DLGAP4: variants seen among roughly 807,000 people sequenced by gnomAD.
DLGAP4 encodes DLG associated protein 4, also known as disks large-associated protein 4.
A neutral mutation model predicts 86.9 loss-of-function variants in DLGAP4; 18 were observed. The ratio of observed to expected loss-of-function variants is 0.21; its 90% CI spans 0.14 to 0.31. The LOEUF (loss-of-function observed/expected upper bound fraction) is 0.31, where lower values mean the gene tolerates loss of function less well. Ranked by LOEUF, DLGAP4 falls within the 10% of genes least tolerant of loss-of-function variation. The probability of loss-of-function intolerance (pLI) is 1.00; values close to 1 mark genes in which losing one functional copy is unlikely to be tolerated. For synonymous variants in DLGAP4, 548 were observed against 574.3 expected (o/e 0.95, Z 0.65); for missense variants, 1,085 against 1,362.6 (o/e 0.80, Z 3.21).
chr20:36,446,558 G>A (rs557994181), intron 6 of DLGAP4, 139 bp from the exon 7 acceptor site: 36 of 753,730 alleles, frequency 4.8e-5, no homozygotes, highest in African/African-American at 1.6e-4. Flanking sequence ...CATCCCATAC[G>A]CTGAGTGAGA....
chr20:36,312,187 A>G (rs2065059106), intron 1 of DLGAP4, among the ~76,000 whole-genome samples: 1 of 152,136 alleles, frequency 6.6e-6, no homozygotes, highest in East Asian at 1.9e-4. Context: ...CCAGCATGCA[A>G]TTCTGGTTAA....
chr20:36,512,272 GA>G (rs1369565121), intron 10 of DLGAP4, among the ~76,000 whole-genome samples: 2 of 151,868 alleles, frequency 1.3e-5, no homozygotes, highest in Non-Finnish European at 2.9e-5. Flanking sequence ...GGATGGTCTT[GA>G]TCTCCTGACC....
At chr20:36,348,483 A>G (rs1180972542) in intron 1 of DLGAP4, among the ~76,000 whole-genome samples, 1 of 151,584 alleles carries the variant, frequency 6.6e-6, no homozygotes. Flanking sequence ...AAGTGGCGCG[A>G]TCTCGGCTCA....
intron 1 of DLGAP4, among the ~76,000 whole-genome samples, chr20:36,340,993 G>A (rs1294324174): frequency 6.6e-6 from 1 of 152,174 alleles, no homozygotes; most frequent in African/African-American, 2.4e-5. Context: ...TGCTCCTCCT[G>A]GAACAAACTG....
intron 7 of DLGAP4, chr20:36,461,410 G>A: frequency 1.0e-6 from 1 of 961,762 alleles, no homozygotes; most frequent in Non-Finnish European, 1.2e-6. Context: ...GCTGACGCGG[G>A]GGGCGGGGAG....
intron 10 of DLGAP4, among the ~76,000 whole-genome samples, chr20:36,519,040 C>T (rs1319904726): frequency 3.3e-5 from 5 of 151,716 alleles, no homozygotes; most frequent in Non-Finnish European, 5.9e-5. Flanking sequence ...TCGCTTGAAC[C>T]CGGGAGGCAG....
chr20:36,447,916 C>CGGG (rs2033639759), intron 7 of DLGAP4, among the ~76,000 whole-genome samples: 1 of 60,856 alleles, frequency 1.6e-5, no homozygotes, highest in Admixed American at 1.9e-4. Context: ...GGGGGGGAGA[C>CGGG]AAGGGGAGGG....
At chr20:36,496,675 C>T (rs371416217) in intron 7 of DLGAP4, 30 bp from the exon 8 acceptor site, 2 of 1,576,958 alleles carry the variant, frequency 1.3e-6, no homozygotes, top group Admixed American at 3.4e-5. Flanking sequence ...CATCTCACCT[C>T]TCCCCTGCCC....
chr20:36,366,306 C>T (rs1020923714), intron 1 of DLGAP4, among the ~76,000 whole-genome samples: 3 of 152,106 alleles, frequency 2.0e-5, no homozygotes, highest in Non-Finnish European at 4.4e-5. Flanking sequence ...AGTGATCCAC[C>T]CACCTCAGCC....
chr20:36,353,626 G>C (rs551550186), intron 1 of DLGAP4, among the ~76,000 whole-genome samples: 2 of 152,376 alleles, frequency 1.3e-5, no homozygotes, highest in South Asian at 4.1e-4. Context: ...GCTGAGGCCT[G>C]GTGCTGGAGA....
chr20:36,310,294 G>C (rs912111943), intron 1 of DLGAP4, among the ~76,000 whole-genome samples: 1 of 152,170 alleles, frequency 6.6e-6, no homozygotes, highest in African/African-American at 2.4e-5. Flanking sequence ...TGCTGGTTGA[G>C]CTTGGGGATG....
intron 1 of DLGAP4, among the ~76,000 whole-genome samples, chr20:36,340,382 C>A (rs948104342): frequency 3.4e-4 from 52 of 152,160 alleles, no homozygotes; most frequent in African/African-American, 1.2e-3. Context: ...TGGTTCCCCG[C>A]ACGTGGCTGC....
chr20:36,446,766 A>T lies in DLGAP4; in HGVS notation c.1477A>T (p.Thr493Ser). 6.2e-7 allele frequency: 1 copy of T among 1,613,016 alleles called. No individual in the cohort carries two copies. Among genetic ancestry groups the T allele is most frequent in the South Asian group, 1.1e-5 (1 of 91,014 alleles). The change falls in exon 7 of 13, where the codon ACA becomes TCA. Residue 493 changes from threonine (T) to serine (S), a missense_variant. Coordinates refer to ENST00000339266, the MANE Select transcript of DLGAP4 (RefSeq NM_001365621.2). ...CESACSEAES[T>S]AAETLDLPLP... ...GTCAGCCTGCAGTGAAGCGGAGTCC[A>T]CAGCGGCAGAGACGCTTGACTTGCC... is the stretch of plus-strand genomic sequence containing the variant.
intron 2 of DLGAP4, among the ~76,000 whole-genome samples, chr20:36,367,498 G>A (rs1209231175): frequency 1.3e-5 from 2 of 152,200 alleles, no homozygotes; most frequent in African/African-American, 2.4e-5. Flanking sequence ...TTTTCCAGAG[G>A]AGTCAGCCTC....
chr20:36,514,302 TAAGAG>T (rs768405961), intron 10 of DLGAP4, among the ~76,000 whole-genome samples: 18 of 152,058 alleles, frequency 1.2e-4, no homozygotes, highest in Non-Finnish European at 2.1e-4. Flanking sequence ...GGAGGAGGAT[TAAGAG>T]AAGAGAAAAC....
rs1005382419 is a variant in DLGAP4 at position 36,527,094 on chromosome 20, G to A, written c.*63G>A. 11 of 1,470,376 alleles carry A rather than the reference G, an allele frequency of 7.5e-6. No homozygotes were observed. Among genetic ancestry groups the A allele is most frequent in the South Asian group, 1.3e-5 (1 of 76,348 alleles). 91.1% of individuals were successfully genotyped at this position (1,470,376 alleles called of 1,614,324 possible). A position where few individuals can be genotyped will look rare whatever the true frequency, so the allele number is the denominator to read the frequency against. Reference sequence around the variant, plus strand: ...AAAACACAAAAACTAAGTGCGAACGGAACAGAGTTTTCTCAACCTTTGCTA... The same window carrying A: ...AAAACACAAAAACTAAGTGCGAACGAAACAGAGTTTTCTCAACCTTTGCTA... On this transcript the variant is annotated 3_prime_UTR_variant, in exon 13 of 13. Coordinates refer to ENST00000339266, the MANE Select transcript of DLGAP4 (RefSeq NM_001365621.2).
intron 1 of DLGAP4, among the ~76,000 whole-genome samples, chr20:36,322,865 A>C (rs1434070353): frequency 6.6e-6 from 1 of 152,118 alleles, no homozygotes; most frequent in Admixed American, 6.5e-5. Flanking sequence ...TGTAACTACC[A>C]CTAAGGTCAA....
chr20:36,363,451 C>T (rs576204597), intron 1 of DLGAP4, among the ~76,000 whole-genome samples: 17 of 152,222 alleles, frequency 1.1e-4, no homozygotes, highest in East Asian at 1.9e-4. Flanking sequence ...AATCCAGGCA[C>T]GAGGTGACAG....
chr20:36,505,565 A>G (rs1236966029), intron 10 of DLGAP4, among the ~76,000 whole-genome samples: 1 of 152,064 alleles, frequency 6.6e-6, no homozygotes, highest in Non-Finnish European at 1.5e-5. Flanking sequence ...TCTTGAGCCC[A>G]GGAGTTCAAG....
Sources: gnomAD v4.1 joint callset for allele counts (sites outside exome capture counted in the v4.1 genomes callset) on GRCh38, gnomAD v4.1.1 for gene constraint, MANE v1.5 for transcripts, NCBI Gene and HGNC (gene_info 2026-07-23, HGNC 2026-07-21) for gene names.